The following SPEG variants were observed in gnomAD, a reference collection of about 807,000 sequenced individuals.
SPEG encodes striated muscle enriched protein kinase.
SPEG carries 114 observed loss-of-function variants against 300.4 expected under a neutral mutation model. The observed-to-expected ratio is 0.38, with a 90% CI of 0.33 to 0.44. The LOEUF (loss-of-function observed/expected upper bound fraction) is 0.44. SPEG is among the 20% of genes least tolerant of loss of function. The pLI is 1.00. For missense variants in SPEG, 4,201 were observed against 4,586.2 expected (o/e 0.92, Z 2.43); for synonymous variants, 1,964 against 2,018.9 (o/e 0.97, Z 0.73).
Position 219,435,004 on chromosome 2 carries a change from C to T in SPEG, c.27C>T (p.Gly9=). Residue 9 remains glycine, a synonymous_variant, in exon 1 of 41, where the codon GGC becomes GGT. Transcript: ENST00000312358. MQKARGTR[G]EDAGTRAPPS... ...TGCAGAAAGCCCGGGGCACGCGAGG[C>T]GAGGATGCGGGCACGAGGGCACCCC... The T allele has an allele frequency of 6.6e-7, 1 of 1,505,146 alleles. No homozygotes were observed. The highest frequency in any genetic ancestry group is 8.8e-7 in the Non-Finnish European group (1 of 1,134,660). 93.2% of individuals were successfully genotyped at this position (1,505,146 alleles called of 1,614,324 possible). A position where few individuals can be genotyped will look rare whatever the true frequency, so the allele number is the denominator to read the frequency against.
At position 219,464,481 on chromosome 2, in the gene SPEG, G is replaced by A. The variant is rs941303964; in HGVS notation, c.2754G>A (p.Glu918=). ...PVRPDQRRFA[E]EAEGGLCRLR... ...GCCCAGACCAGCGGCGCTTTGCGGA[G>A]GAGGCTGAGGGTGGGCTGTGCCGGC... Residue 918 remains glutamate, a synonymous_variant, in exon 9 of 41, where the codon GAG becomes GAA. Coordinates refer to ENST00000312358, the MANE Select transcript of SPEG (RefSeq NM_005876.5). This position sits in a 1 kb window ranked among gnomAD's most constrained non-coding sequence, Gnocchi z 4.5. 4.5e-5 allele frequency: 72 copies of A among 1,613,720 alleles called. No individual in the cohort carries two copies. The highest frequency in any genetic ancestry group is 6.1e-5 in the Non-Finnish European group (72 of 1,180,026).
intron 28 of SPEG, chr2:219,482,408 C>A: frequency 4.5e-6 from 1 of 221,688 alleles, no homozygotes. Flanking sequence ...GGGGTGTTGG[C>A]CCTACATGGA....
rs1272635140 is a variant in SPEG, at chr2:219,451,918, G to A, written c.2440+111G>A. 5.2e-6 allele frequency: 6 copies of A among 1,147,184 alleles called. No individual in the cohort carries two copies. Among genetic ancestry groups the A allele is most frequent in the Admixed American group, 3.0e-5 (1 of 33,556 alleles). 71.1% of individuals were successfully genotyped at this position (1,147,184 alleles called of 1,614,324 possible). A position where few individuals can be genotyped will look rare whatever the true frequency, so the allele number is the denominator to read the frequency against. ...TCTCAGCCTTGAGCTTGGGCACCCC[G>A]CCAGCATACTTAGTCCATGCAGTCC... On this transcript the variant is annotated intron_variant, in intron 6 of 40. Transcript: ENST00000312358. The surrounding 1 kb of genome is among the most constrained non-coding windows in gnomAD (Gnocchi z 6.4).
At position 219,481,783 on chromosome 2, in the gene SPEG, G is replaced by A; in HGVS notation, c.5565+103G>A. ...CCTACTGTGTGCAGTAACCACGTTA[G>A]GCATTGTATGTACATATGACGTATT... On this transcript the variant is annotated intron_variant, in intron 28 of 40. Transcript: ENST00000312358. The surrounding 1 kb of genome is among the most constrained non-coding windows in gnomAD (Gnocchi z 5.4). The A allele has an allele frequency of 2.0e-6, 2 of 993,790 alleles. No individual in the cohort carries two copies. Among genetic ancestry groups the A allele is most frequent in the African/African-American group, 1.6e-5 (1 of 62,896 alleles). The allele number at this position is 993,790 out of a possible 1,614,324, so 61.6% of individuals were successfully genotyped here. A position where few individuals can be genotyped will look rare whatever the true frequency, so the allele number is the denominator to read the frequency against.
At chr2:219,447,869 C>A in intron 3 of SPEG, 105 bp from the exon 4 acceptor site, 4 of 1,094,688 alleles carry the variant, frequency 3.7e-6, no homozygotes, top group Non-Finnish European at 2.6e-6. Context: ...CCATGTCACC[C>A]CCAAGCCTGC....
intron 9 of SPEG, chr2:219,466,332 C>T (rs1691355363): frequency 4.3e-6 from 6 of 1,403,344 alleles, no homozygotes; most frequent in Middle Eastern, 2.6e-4. Context: ...GGGGCGGCTG[C>T]GAGGGGTATC....
At chr2:219,466,202 C>T in intron 9 of SPEG, 1 of 1,469,952 alleles carries the variant, frequency 6.8e-7, no homozygotes, top group Non-Finnish European at 9.0e-7. Flanking sequence ...CCCAGCCTCC[C>T]CTCCCCACCC....
chr2:219,443,181 C>T lies in SPEG; in HGVS notation c.389-1472C>T, dbSNP rs1325406663. 1.9e-6 allele frequency: 3 copies of T among 1,607,528 alleles called. No homozygotes were observed. The highest frequency in any genetic ancestry group is 2.7e-5 in the African/African-American group (2 of 74,770). On this transcript the variant is annotated intron_variant, in intron 1 of 40. Transcript: ENST00000312358. The surrounding 1 kb of genome is among the most constrained non-coding windows in gnomAD (Gnocchi z 4.6). ...TGGACCGTGGGCGTCCTTGCTCTAG[C>T]CCATGCCTACTCCTCCTCTTGGTCC...
In SPEG at chr2:219,443,927, C is replaced by T. The variant is rs1689093576; in HGVS notation, c.389-726C>T. The T allele has an allele frequency of 1.1e-6, 1 of 949,806 alleles. No homozygotes were observed. The highest frequency in any genetic ancestry group is 5.8e-5 in the East Asian group (1 of 17,208). 58.8% of individuals were successfully genotyped at this position (949,806 alleles called of 1,614,324 possible). ...ACAGGACACCTCTGGGGACTGGGTG[C>T]CTCACGCCCCTTCTGTCTTGACTGC... On this transcript the variant is annotated intron_variant, in intron 1 of 40. Transcript: ENST00000312358. The surrounding 1 kb of genome is among the most constrained non-coding windows in gnomAD (Gnocchi z 4.6).
Position 219,489,233 on chromosome 2 carries a change from G to A in SPEG, c.8317+12G>A. On this transcript the variant is annotated intron_variant, in intron 35 of 40. Coordinates refer to ENST00000312358, the MANE Select transcript of SPEG (RefSeq NM_005876.5). ...CAGGGGTACTCAAGGTCAGTGCAAT[G>A]GTATGGGGTGGGAGGAGGAAGGGGG... 6.2e-7 allele frequency: 1 copy of A among 1,613,678 alleles called. No individual in the cohort carries two copies.
At position 219,448,693 on chromosome 2, in the gene SPEG, G is replaced by T. The variant is rs1311462718; in HGVS notation, c.1535G>T (p.Arg512Leu). ...TCCACGTCGCGGGAGGAGCTGGTGC[G>T]CTCGCACGAGTCCCTGCGCGCCACG... ...RRSTSREELV[R>L]SHESLRATLQ... is the part of the protein sequence containing the mutation. The change falls in exon 4 of 41, where the codon CGC becomes CTC. Residue 512 changes from arginine to leucine, a missense_variant. By Grantham distance (102) the Arg-to-Leu change is moderately radical. This residue lies in a region of SPEG where 1,258 missense variants were observed against 1,293.9 expected (regional missense o/e 0.97). Coordinates refer to ENST00000312358, the MANE Select transcript of SPEG (RefSeq NM_005876.5). The T allele has an allele frequency of 4.7e-6, 7 of 1,493,040 alleles. No homozygotes were observed. Among genetic ancestry groups the T allele is most frequent in the Non-Finnish European group, 6.2e-6 (7 of 1,129,634 alleles). 92.5% of individuals were successfully genotyped at this position (1,493,040 alleles called of 1,614,324 possible). A position where few individuals can be genotyped will look rare whatever the true frequency, so the allele number is the denominator to read the frequency against.
Position 219,443,589 on chromosome 2 carries a change from G to T in SPEG, c.389-1064G>T. The T allele has an allele frequency of 3.6e-6, 1 of 280,742 alleles. No homozygotes were observed. The highest frequency in any genetic ancestry group is 3.8e-5 in the South Asian group (1 of 26,470). The allele number at this position is 280,742 out of a possible 1,614,324, so 17.4% of individuals were successfully genotyped here. ...GAGGACGATTCAACAGTAGAAGGGAGGGACCTTGAGGAAGGTGCCTGTCAC... is the reference window on the plus strand; with the variant it reads ...GAGGACGATTCAACAGTAGAAGGGATGGACCTTGAGGAAGGTGCCTGTCAC... On this transcript the variant is annotated intron_variant, in intron 1 of 40. Coordinates refer to ENST00000312358, the MANE Select transcript of SPEG (RefSeq NM_005876.5). This position sits in a 1 kb window ranked among gnomAD's most constrained non-coding sequence, Gnocchi z 4.6.
At position 219,444,868 on chromosome 2, in the gene SPEG, G is replaced by C. The variant is rs758661662; in HGVS notation, c.522G>C (p.Pro174=). ...TGGGCACCTCCCTGGACACACCCCC[G>C]ACCTCCGTGACAGGCACCTCAGAGG... The part of the protein sequence containing the change: ...TLVGTSLDTP[P]TSVTGTSEEQ... Residue 174 remains proline, a synonymous_variant, in exon 3 of 41, where the codon CCG becomes CCC. Transcript: ENST00000312358. This position sits in a 1 kb window ranked among gnomAD's most constrained non-coding sequence, Gnocchi z 7.8. The C allele has an allele frequency of 6.4e-7, 1 of 1,569,618 alleles. No homozygotes were observed. Among genetic ancestry groups the C allele is most frequent in the Non-Finnish European group, 8.6e-7 (1 of 1,157,328 alleles).
At position 219,479,113 on chromosome 2, in the gene SPEG, T is replaced by G; in HGVS notation, c.5028-31T>G. On this transcript the variant is annotated intron_variant, in intron 22 of 40. Coordinates refer to ENST00000312358, the MANE Select transcript of SPEG (RefSeq NM_005876.5). The surrounding 1 kb of genome is among the most constrained non-coding windows in gnomAD (Gnocchi z 5.5). Reference sequence around the variant, plus strand: ...CTGGGCTGGGCCGGGCAGTTGGCACTGGGCACTGTTCTCCTTGATCTGGGA... The same window carrying G: ...CTGGGCTGGGCCGGGCAGTTGGCACGGGGCACTGTTCTCCTTGATCTGGGA... 1 of 1,609,578 alleles carries G rather than the reference T, an allele frequency of 6.2e-7. No homozygotes were observed. The highest frequency in any genetic ancestry group is 8.5e-7 in the Non-Finnish European group (1 of 1,177,346).
chr2:219,448,864 G>A lies in SPEG; in HGVS notation c.1706G>A (p.Gly569Glu). 2.1e-6 allele frequency: 3 copies of A among 1,403,584 alleles called. No homozygotes were observed. In the South Asian group the frequency reaches 4.7e-5, roughly 22 times the overall value. 86.9% of individuals were successfully genotyped at this position (1,403,584 alleles called of 1,614,324 possible). A position where few individuals can be genotyped will look rare whatever the true frequency, so the allele number is the denominator to read the frequency against. Reference protein sequence around the residue: ...SSAEKPGDEPGRPRSRGPAGR... With the variant: ...SSAEKPGDEPERPRSRGPAGR... ...GCGGAGAAGCCGGGGGACGAGCCTG[G>A]GAGGCCCAGGAGCCGCGGGCCGGCG... The change falls in exon 4 of 41, where the codon GGG becomes GAG. Residue 569 changes from glycine to glutamate, a missense_variant. Transcript: ENST00000312358.
intron 13 of SPEG, among the ~76,000 whole-genome samples, chr2:219,470,980 C>T (rs775442471): frequency 2.2e-5 from 3 of 136,864 alleles, no homozygotes; most frequent in African/African-American, 2.9e-5. Flanking sequence ...TCTGGTGGGA[C>T]AAGCAGATCT....
At chr2:219,457,623 G>A (rs189997417) in intron 6 of SPEG, among the ~76,000 whole-genome samples, 48 of 152,306 alleles carry the variant, frequency 3.2e-4, no homozygotes, top group Non-Finnish European at 4.3e-4. Context: ...ATTGTAAAGA[G>A]TCCGCCTTGC....
intron 6 of SPEG, chr2:219,460,925 GCAGGAGGGCCTGGTGC>G: frequency 1.0e-6 from 1 of 986,252 alleles, no homozygotes; most frequent in Non-Finnish European, 1.2e-6. Context: ...TGGGCAGGCA[GCAGGAGGGCCTGGTGC>G]CAGGGCAGAG....
chr2:219,483,347 A>T lies in SPEG; in HGVS notation c.5884A>T (p.Thr1962Ser), dbSNP rs748170615. The T allele has an allele frequency of 1.2e-6, 2 of 1,604,082 alleles. No individual in the cohort carries two copies. The highest frequency in any genetic ancestry group is 2.2e-5 in the South Asian group (2 of 89,852). ...DIPTEDEALG[T>S]PETGAATPMD... The stretch of plus-strand genomic sequence containing the variant: ...TCCCACTGAGGATGAGGCCCTGGGG[A>T]CCCCAGAGACTGGGGCTGCCACCCC... Residue 1962 changes from threonine (T) to serine (S), a missense_variant, in exon 30 of 41, where the codon ACC becomes TCC. By Grantham distance (58) the Thr-to-Ser change is moderately conservative (BLOSUM62 1). Coordinates refer to ENST00000312358, the MANE Select transcript of SPEG (RefSeq NM_005876.5).
Sources: gnomAD v4.1 joint callset for allele counts (sites outside exome capture counted in the v4.1 genomes callset) on GRCh38, gnomAD v4.1.1 for gene constraint, gnomAD v4.1.1 regional missense constraint, Gnocchi (gnomAD v3.1) non-coding constraint, MANE v1.5 for transcripts, NCBI Gene and HGNC (gene_info 2026-07-23, HGNC 2026-07-21) for gene names.